Variants in NXPH1 observed in about 807,000 individuals in gnomAD.
The protein encoded by NXPH1 is neurexophilin 1, also known as neurexophilin-1.
A neutral mutation model predicts 23.7 loss-of-function variants in NXPH1; 5 were observed. The observed-to-expected ratio is 0.21, with a 90% CI of 0.11 to 0.44. The LOEUF (loss-of-function observed/expected upper bound fraction) is 0.44. Ranked by LOEUF, NXPH1 falls within the 20% of genes least tolerant of loss-of-function variation. The pLI, the probability that NXPH1 is intolerant of heterozygous loss-of-function variation, is 0.99. For synonymous variants in NXPH1, 144 were observed against 122.2 expected, an observed-to-expected ratio of 1.18 and a Z score of -1.18; for missense variants, 324 against 321.6, an observed-to-expected ratio of 1.01 and a Z score of -0.06.
chr7:8,726,568 G>A (rs976934942), intron 2 of NXPH1, among the ~76,000 whole-genome samples: 1 of 143,932 alleles, frequency 6.9e-6, no homozygotes, highest in African/African-American at 2.6e-5. Flanking sequence ...TCCCACCTAT[G>A]AGTGAGAATA....
At chr7:8,518,982 C>G (rs1212266122) in intron 2 of NXPH1, among the ~76,000 whole-genome samples, 2 of 151,970 alleles carry the variant, frequency 1.3e-5, no homozygotes, top group Non-Finnish European at 2.9e-5. Flanking sequence ...TTTTGTGAAG[C>G]TATGAGGAGA....
chr7:8,455,012 G>C (rs1816570281), intron 2 of NXPH1, among the ~76,000 whole-genome samples: 1 of 152,164 alleles, frequency 6.6e-6, no homozygotes, highest in Non-Finnish European at 1.5e-5. Flanking sequence ...TCTAATTTAT[G>C]ATGCTGTTTT....
intron 2 of NXPH1, among the ~76,000 whole-genome samples, chr7:8,669,511 C>T (rs1226568337): frequency 6.6e-6 from 1 of 152,176 alleles, no homozygotes; most frequent in African/African-American, 2.4e-5. Context: ...CTTGGAGGTT[C>T]AGTCTGAGGG....
intron 2 of NXPH1, among the ~76,000 whole-genome samples, chr7:8,663,094 G>C (rs1355847211): frequency 6.6e-6 from 1 of 152,040 alleles, no homozygotes; most frequent in Non-Finnish European, 1.5e-5. Context: ...CAAAGTCAGA[G>C]GGTATCAGGA....
intron 2 of NXPH1, among the ~76,000 whole-genome samples, chr7:8,724,259 C>G (rs912123854): frequency 1.3e-5 from 2 of 152,174 alleles, no homozygotes; most frequent in Non-Finnish European, 2.9e-5. Flanking sequence ...TCTTTCAGCA[C>G]CATGAATAGA....
intron 2 of NXPH1, among the ~76,000 whole-genome samples, chr7:8,585,988 A>C (rs1818972028): frequency 1.3e-5 from 2 of 152,164 alleles, no homozygotes; most frequent in Admixed American, 1.3e-4. Flanking sequence ...ACATTATAGA[A>C]AGCTCAGTGT....
At chr7:8,445,854 G>C (rs1341535974) in intron 2 of NXPH1, among the ~76,000 whole-genome samples, 1 of 152,190 alleles carries the variant, frequency 6.6e-6, no homozygotes, top group Non-Finnish European at 1.5e-5. Context: ...CTGTTGTCCT[G>C]TTTATGTCAG....
chr7:8,747,514 G>C (rs774929212), intron 2 of NXPH1, among the ~76,000 whole-genome samples: 8 of 152,156 alleles, frequency 5.3e-5, no homozygotes, highest in Non-Finnish European at 1.2e-4. Context: ...CATCATGAAA[G>C]CATCTCAATA....
chr7:8,548,927 G>T (rs1460111474), intron 2 of NXPH1, among the ~76,000 whole-genome samples: 1 of 151,444 alleles, frequency 6.6e-6, no homozygotes, highest in Non-Finnish European at 1.5e-5. Context: ...TAGTTAAATG[G>T]TAGTTAAGAT....
At chr7:8,629,249 A>T (rs1244879147) in intron 2 of NXPH1, among the ~76,000 whole-genome samples, 1 of 152,150 alleles carries the variant, frequency 6.6e-6, no homozygotes, top group Non-Finnish European at 1.5e-5. Flanking sequence ...TTTTTTAAGC[A>T]TTCCCTTTGT....
intron 2 of NXPH1, among the ~76,000 whole-genome samples, chr7:8,666,692 A>C (rs76013269): frequency 5.9e-5 from 9 of 152,036 alleles, no homozygotes; most frequent in Non-Finnish European, 1.0e-4. Context: ...TTTATTGCTT[A>C]TGTAATTTCC....
At chr7:8,583,803 T>C (rs1034503424) in intron 2 of NXPH1, among the ~76,000 whole-genome samples, 13 of 152,146 alleles carry the variant, frequency 8.5e-5, no homozygotes, top group African/African-American at 3.1e-4. Context: ...TCTTTATCTT[T>C]TGGAACTCCT....
chr7:8,525,404 A>G (rs1293902415), intron 2 of NXPH1, among the ~76,000 whole-genome samples: 4 of 152,208 alleles, frequency 2.6e-5, no homozygotes, highest in African/African-American at 7.2e-5. Flanking sequence ...CAGCCTGACT[A>G]TATGATAGAA....
At chr7:8,510,778 A>G (rs759828515) in intron 2 of NXPH1, among the ~76,000 whole-genome samples, 1 of 152,124 alleles carries the variant, frequency 6.6e-6, no homozygotes, top group South Asian at 2.1e-4. Flanking sequence ...ATATTCTGTT[A>G]TAGGTTCAAA....
chr7:8,540,532 C>T (rs1224203466), intron 2 of NXPH1, among the ~76,000 whole-genome samples: 4 of 151,660 alleles, frequency 2.6e-5, no homozygotes, highest in African/African-American at 9.7e-5. Flanking sequence ...GCCCAGGGGA[C>T]ACCCTAAGTG....
intron 2 of NXPH1, among the ~76,000 whole-genome samples, chr7:8,456,109 C>T (rs1484826546): frequency 6.6e-6 from 1 of 152,136 alleles, no homozygotes; most frequent in African/African-American, 2.4e-5. Context: ...ACCTGGGTTA[C>T]ACGTGTTGGA....
intron 2 of NXPH1, among the ~76,000 whole-genome samples, chr7:8,565,540 CTTG>C (rs1267461768): frequency 6.6e-6 from 1 of 151,534 alleles, no homozygotes; most frequent in East Asian, 2.0e-4. Context: ...TATAACAAAC[CTTG>C]TTGTGTTCTA....
chr7:8,594,723 C>T (rs1043733226), intron 2 of NXPH1, among the ~76,000 whole-genome samples: 18 of 151,894 alleles, frequency 1.2e-4, no homozygotes, highest in African/African-American at 4.3e-4. Context: ...CTTTGGAAGT[C>T]GACTTGACTT....
chr7:8,502,790 G>T (rs540176314), intron 2 of NXPH1, among the ~76,000 whole-genome samples: 3 of 151,768 alleles, frequency 2.0e-5, no homozygotes, highest in African/African-American at 7.2e-5. Flanking sequence ...CTCACTGGCA[G>T]AAGTTACTGC....
Sources: gnomAD v4.1 joint callset for allele counts (sites outside exome capture counted in the v4.1 genomes callset) on GRCh38, gnomAD v4.1.1 for gene constraint, MANE v1.5 for transcripts, NCBI Gene and HGNC (gene_info 2026-07-23, HGNC 2026-07-21) for gene names.